TBX5: variants seen among roughly 807,000 people sequenced by gnomAD.
The protein encoded by TBX5 is T-box transcription factor TBX5.
Under a neutral mutation model 51.1 loss-of-function variants are expected in TBX5, and 8 were observed. The ratio of observed to expected loss-of-function variants is 0.16; its 90% CI spans 0.09 to 0.28. The LOEUF (loss-of-function observed/expected upper bound fraction) is 0.28, where lower values mean the gene tolerates loss of function less well. Among genes scored for constraint, TBX5 ranks in the 10% least tolerant of loss-of-function variants. TBX5 has a pLI of 1.00. For synonymous variants in TBX5, 302 were observed against 266.4 expected, an observed-to-expected ratio of 1.13 and a Z score of -1.30; for missense variants, 589 against 671.7, an observed-to-expected ratio of 0.88 and a Z score of 1.36.
intron 7 of TBX5, among the ~76,000 whole-genome samples, chr12:114,380,385 G>A (rs897503309): frequency 2.6e-5 from 4 of 152,114 alleles, no homozygotes; most frequent in Admixed American, 6.6e-5. Context: ...ATATTATCTT[G>A]ACAATGTTCC....
chr12:114,397,980 C>A (rs1006717384), intron 5 of TBX5, among the ~76,000 whole-genome samples: 7 of 152,172 alleles, frequency 4.6e-5, no homozygotes, highest in Admixed American at 3.3e-4. Context: ...AGCCTCTGTG[C>A]AGTCTATACT....
chr12:114,396,425 C>A (rs1191281210), intron 5 of TBX5, among the ~76,000 whole-genome samples: 2 of 152,018 alleles, frequency 1.3e-5, no homozygotes, highest in Admixed American at 1.3e-4. Context: ...CTCCTAATTT[C>A]ATTAGGCCGG....
chr12:114,382,196 C>T (rs1452533113), intron 7 of TBX5, among the ~76,000 whole-genome samples: 2 of 152,046 alleles, frequency 1.3e-5, no homozygotes, highest in Non-Finnish European at 2.9e-5. Context: ...TGCCTGGACA[C>T]CCAGCTCCTT....
At chr12:114,378,839 T>C (rs1364706319) in intron 7 of TBX5, among the ~76,000 whole-genome samples, 1 of 152,114 alleles carries the variant, frequency 6.6e-6, no homozygotes, top group Non-Finnish European at 1.5e-5. Flanking sequence ...GGTTTCACCA[T>C]GTTGTCCAGG....
chr12:114,395,851 C>T (rs1871384641), intron 5 of TBX5, among the ~76,000 whole-genome samples: 1 of 152,090 alleles, frequency 6.6e-6, no homozygotes, highest in African/African-American at 2.4e-5. Flanking sequence ...GGAGGACTTC[C>T]AGGCTGCACG....
Position 114,368,751 on chromosome 12 carries a change from T to C in TBX5, c.756-2360A>G, listed in dbSNP as rs542228690. Among the ~76,000 whole-genome samples the C allele has an allele frequency of 4.1e-3, 618 of 152,324 alleles. 2 individuals carry two copies. The highest frequency in any genetic ancestry group is 6.0e-3 in the Non-Finnish European group (410 of 68,034). On this transcript the variant is annotated intron_variant, in intron 7 of 8. Transcript: ENST00000405440. ...AACATCTCCACCCTATGTCCCTGCC[T>C]TTGTTTGTCATGTGAAAGCACACCA...
At chr12:114,383,014 C>T (rs1039110397) in intron 7 of TBX5, among the ~76,000 whole-genome samples, 1 of 151,900 alleles carries the variant, frequency 6.6e-6, no homozygotes, top group South Asian at 2.1e-4. Flanking sequence ...AGAAAAGACT[C>T]CCTTGATGAC....
chr12:114,365,829 CAAA>C (rs56315440), intron 8 of TBX5, among the ~76,000 whole-genome samples: 3 of 124,642 alleles, frequency 2.4e-5, no homozygotes, highest in African/African-American at 3.0e-5. Context: ...GATCCTGTCT[CAAA>C]AAAAAAAAAA....
At chr12:114,402,264 A>G (rs1871874222) in intron 2 of TBX5, among the ~76,000 whole-genome samples, 1 of 151,944 alleles carries the variant, frequency 6.6e-6, no homozygotes, top group Non-Finnish European at 1.5e-5. Context: ...AGAAAAAACC[A>G]ACCAAACAAA....
intron 8 of TBX5, among the ~76,000 whole-genome samples, chr12:114,358,335 A>G (rs1320512988): frequency 2.0e-5 from 3 of 152,306 alleles, no homozygotes; most frequent in Admixed American, 6.5e-5. Flanking sequence ...AGGGAGGCTG[A>G]CACTCTGTGA....
chr12:114,387,405 C>G (rs534903547), intron 6 of TBX5, among the ~76,000 whole-genome samples: 1 of 152,244 alleles, frequency 6.6e-6, no homozygotes, highest in South Asian at 2.1e-4. Flanking sequence ...AAAAAATATA[C>G]ATACAATTAA....
At chr12:114,368,139 A>G (rs1033577052) in intron 7 of TBX5, among the ~76,000 whole-genome samples, 4 of 152,234 alleles carry the variant, frequency 2.6e-5, no homozygotes, top group African/African-American at 9.6e-5. Flanking sequence ...AAGTGATCAT[A>G]TCTGTGAAAT....
At position 114,366,241 on chromosome 12, in the gene TBX5, C is replaced by G; in HGVS notation, c.906G>C (p.Gln302His). 6.2e-7 allele frequency: 1 copy of G among 1,613,972 alleles called. No individual in the cohort carries two copies. Among genetic ancestry groups the G allele is most frequent in the Non-Finnish European group, 8.5e-7 (1 of 1,179,994 alleles). Reference sequence around the variant, plus strand: ...ATGGGTTGGGTGGAGGCAGGAGGTCCTGGGAGGGGCCGGAAACACCATTCT... The same window carrying G: ...ATGGGTTGGGTGGAGGCAGGAGGTCGTGGGAGGGGCCGGAAACACCATTCT... ...QCENGVSGPS[Q>H]DLLPPPNPYP... Residue 302 changes from glutamine to histidine, a missense_variant, in exon 8 of 9, where the codon CAG becomes CAC. Transcript: ENST00000405440.
At chr12:114,382,708 A>G (rs1310685995) in intron 7 of TBX5, among the ~76,000 whole-genome samples, 4 of 151,718 alleles carry the variant, frequency 2.6e-5, no homozygotes, top group African/African-American at 9.7e-5. Context: ...GAGGGAGGAG[A>G]CTCTCTTGAA....
chr12:114,407,803 G>A (rs1303850266), upstream of TBX5: 5 of 985,380 alleles, frequency 5.1e-6, no homozygotes, highest in Non-Finnish European at 6.0e-6. Context: ...GTCCTCCAGG[G>A]TGAAACTCAC....
rs376997698 is a variant in TBX5 at position 114,385,438 on chromosome 12, A to G, written c.755+38T>C. 4.1e-4 allele frequency: 643 copies of G among 1,578,940 alleles called. 1 individual carries two copies. The highest frequency in any genetic ancestry group is 5.3e-4 in the Non-Finnish European group (608 of 1,148,136). ...GGCTTACCTGGGTAATTTGAGGGGT[A>G]TGTGGGGAGGAGAAAGTTGAGGAAT... On this transcript the variant is annotated intron_variant, in intron 7 of 8. Transcript: ENST00000405440.
At chr12:114,370,991 A>T (rs563097771) in intron 7 of TBX5, among the ~76,000 whole-genome samples, 2 of 152,178 alleles carry the variant, frequency 1.3e-5, no homozygotes, top group Non-Finnish European at 2.9e-5. Flanking sequence ...GGGATGAGTG[A>T]TAAAAGTCCC....
At chr12:114,371,028 A>C (rs934081650) in intron 7 of TBX5, among the ~76,000 whole-genome samples, 2 of 152,112 alleles carry the variant, frequency 1.3e-5, no homozygotes, top group Admixed American at 6.5e-5. Context: ...CAGCCACCTA[A>C]CTAATGCTTA....
In TBX5 at chr12:114,403,803, G is replaced by A; in HGVS notation, c.96C>T (p.Leu32=). The A allele has an allele frequency of 6.2e-7, 1 of 1,614,070 alleles. No homozygotes were observed. The highest frequency in any genetic ancestry group is 8.5e-7 in the Non-Finnish European group (1 of 1,180,028). Residue 32 remains leucine (L), a synonymous_variant, in exon 2 of 9, where the codon CTC becomes CTT. Transcript: ENST00000405440. ...ACGACGGGGACTTGCTGGGGGCCCC[G>A]AGCGCGCTCTCGGGTTTCGAATCGC... ...LPCDSKPESA[L]GAPSKSPSSP...
Sources: allele counts gnomAD v4.1 joint callset (sites outside exome capture counted in the v4.1 genomes callset), GRCh38; gene constraint gnomAD v4.1.1; transcripts MANE v1.5; gene names NCBI Gene and HGNC (gene_info 2026-07-23, HGNC 2026-07-21).